UBR2: variants seen among roughly 807,000 people sequenced by gnomAD.
UBR2 encodes the protein E3 ubiquitin-protein ligase UBR2.
In UBR2, 92 loss-of-function variants were observed where a neutral mutation model predicts 247.9. The ratio of observed to expected loss-of-function variants is 0.37; its 90% CI spans 0.31 to 0.44. UBR2 has a LOEUF of 0.44. Among genes scored for constraint, UBR2 ranks in the 20% least tolerant of loss-of-function variants. The pLI is 1.00. For missense variants in UBR2, 1,613 were observed against 2,112.6 expected (o/e 0.76, Z 4.64); for synonymous variants, 672 against 693.5 (o/e 0.97, Z 0.49).
rs1370861586 is a variant in UBR2 at position 42,673,886 on chromosome 6, A to C, written c.4182A>C (p.Ala1394=). ...VVQGHFCKLF[A]SLVPNDSHEE... is the part of the protein sequence containing the mutation. ...AAGGACATTTTTGTAAACTTTTTGCATGTGAGTATTAATACATTTATAACA... is the reference window on the plus strand; with the variant it reads ...AAGGACATTTTTGTAAACTTTTTGCCTGTGAGTATTAATACATTTATAACA... Residue 1394 remains alanine, a splice_region_variant and synonymous_variant, in exon 37 of 47, where the codon GCA becomes GCC. Coordinates refer to ENST00000372901, the MANE Select transcript of UBR2 (RefSeq NM_001363705.2). The C allele has an allele frequency of 9.3e-6, 15 of 1,610,256 alleles. No individual in the cohort carries two copies. Among genetic ancestry groups the C allele is most frequent in the Non-Finnish European group, 1.2e-5 (14 of 1,176,986 alleles).
At chr6:42,625,042 G>C (rs893520601) in intron 11 of UBR2, among the ~76,000 whole-genome samples, 23 of 152,132 alleles carry the variant, frequency 1.5e-4, no homozygotes, top group African/African-American at 5.3e-4. Flanking sequence ...CTACACCCCA[G>C]AATGACCAAG....
chr6:42,676,024 G>GA, intron 38 of UBR2, 32 bp from the exon 39 acceptor site: 1 of 1,557,396 alleles, frequency 6.4e-7, no homozygotes, highest in Non-Finnish European at 8.6e-7. Context: ...AAGGAAAGGC[G>GA]ATCTGTCTGA....
intron 34 of UBR2, 91 bp downstream of exon 34, chr6:42,666,336 G>T: frequency 9.0e-7 from 1 of 1,113,164 alleles, no homozygotes. Context: ...TGGCAAGTGA[G>T]GGAGCAAAAT....
At chr6:42,647,193 A>G (rs936574013) in intron 21 of UBR2, among the ~76,000 whole-genome samples, 3 of 152,192 alleles carry the variant, frequency 2.0e-5, no homozygotes, top group Non-Finnish European at 4.4e-5. Flanking sequence ...GCTTTAATGC[A>G]GGAAGTGAAT....
chr6:42,651,559 C>T (rs1797113756), intron 23 of UBR2, among the ~76,000 whole-genome samples: 1 of 151,774 alleles, frequency 6.6e-6, no homozygotes, highest in African/African-American at 2.4e-5. Flanking sequence ...GTGCAGACCT[C>T]GGCTCACTAG....
intron 5 of UBR2, among the ~76,000 whole-genome samples, chr6:42,604,756 G>A (rs2025250): frequency 0.75 from 114,548 of 152,060 alleles, 43,566 homozygotes; most frequent in African/African-American, 0.85. Flanking sequence ...GCTTGGCACA[G>A]TGGCTCATGC....
At chr6:42,658,002 G>A in intron 26 of UBR2, 22 bp from the exon 27 acceptor site, 1 of 1,560,628 alleles carries the variant, frequency 6.4e-7, no homozygotes, top group Non-Finnish European at 8.8e-7. Context: ...TTGTTATTGT[G>A]CCTTTTATTT....
intron 4 of UBR2, among the ~76,000 whole-genome samples, chr6:42,600,688 G>A (rs912294644): frequency 6.7e-6 from 1 of 148,486 alleles, no homozygotes; most frequent in African/African-American, 2.5e-5. Flanking sequence ...ACACATTTTA[G>A]AGTGTATTTT....
Position 42,684,833 on chromosome 6 carries a change from G to T in UBR2, c.4815G>T (p.Glu1605Asp). 1 of 1,611,814 alleles carries T rather than the reference G, an allele frequency of 6.2e-7. No homozygotes were observed. The highest frequency in any genetic ancestry group is 8.5e-7 in the Non-Finnish European group (1 of 1,178,930). ...RESNKLINLP[E>D]DYSSLINQAS... ...CTAACAAATTAATAAACCTTCCAGAGGATTACAGCAGCCTCATTAATCAAG... is the reference window on the plus strand; with the variant it reads ...CTAACAAATTAATAAACCTTCCAGATGATTACAGCAGCCTCATTAATCAAG... The change falls in exon 44 of 47, where the codon GAG becomes GAT. Residue 1605 changes from glutamate (E) to aspartate (D), a missense_variant. Transcript: ENST00000372901.
rs71680032 is a variant in UBR2, at chr6:42,600,625, CAA to C, written c.532-2942_532-2941del. ...CCTGCCTCAAACTGGGTTACTGTAG[CAA>C]AAAAAAAAAAAAAAAAAAAATTATC... On this transcript the variant is annotated intron_variant, in intron 4 of 46. Transcript: ENST00000372901. Among the ~76,000 whole-genome samples, 549 of 106,110 alleles carry C rather than the reference CAA, an allele frequency of 5.2e-3. 1 individual carries two copies. The highest frequency in any genetic ancestry group is 0.013 in the African/African-American group (350 of 27,026). 69.6% of individuals were successfully genotyped at this position (106,110 alleles called of 152,430 possible).
chr6:42,651,018 T>C (rs1797078124), intron 23 of UBR2, among the ~76,000 whole-genome samples: 1 of 152,036 alleles, frequency 6.6e-6, no homozygotes, highest in Non-Finnish European at 1.5e-5. Flanking sequence ...GCTCAGGAGT[T>C]CGAGATCAGC....
rs538441041 is a variant in UBR2 at position 42,664,862 on chromosome 6, A to G, written c.3699-547A>G. ...TCATAAAAAGAACACAGGCTTTGGA[A>G]TCTGACAGAGCCAAGTTTGAATGCT... On this transcript the variant is annotated intron_variant, in intron 32 of 46. Coordinates refer to ENST00000372901, the MANE Select transcript of UBR2 (RefSeq NM_001363705.2). Among the ~76,000 whole-genome samples the G allele has an allele frequency of 2.6e-5, 4 of 152,334 alleles. No homozygotes were observed. The East Asian group carries it at 7.7e-4, about 29-fold the overall frequency.
chr6:42,597,761 A>T (rs972528931), intron 4 of UBR2, among the ~76,000 whole-genome samples: 7 of 152,082 alleles, frequency 4.6e-5, no homozygotes, highest in Admixed American at 3.3e-4. Flanking sequence ...TACTAAAAAT[A>T]CAAAATTAGC....
intron 11 of UBR2, among the ~76,000 whole-genome samples, chr6:42,629,080 G>A (rs1795533120): frequency 6.6e-6 from 1 of 152,018 alleles, no homozygotes; most frequent in South Asian, 2.1e-4. Flanking sequence ...GCAGTGGCAT[G>A]ATCTGGGCTC....
Position 42,624,161 on chromosome 6 carries a change from G to C in UBR2, c.1281+6654G>C, listed in dbSNP as rs569694310. On this transcript the variant is annotated intron_variant, in intron 11 of 46. Coordinates refer to ENST00000372901, the MANE Select transcript of UBR2 (RefSeq NM_001363705.2). ...TTGTTTTGTTTTGTTTGTTTTTTGAGACCAATTCTCACTCTAGCACCCAGG... is the reference window on the plus strand; with the variant it reads ...TTGTTTTGTTTTGTTTGTTTTTTGACACCAATTCTCACTCTAGCACCCAGG... Among the ~76,000 whole-genome samples the C allele has an allele frequency of 1.6e-4, 25 of 151,874 alleles. No homozygotes were observed. In the South Asian group the frequency reaches 5.0e-3, roughly 30 times the overall value.
At chr6:42,645,690 T>A (rs1467685022) in intron 21 of UBR2, 100 bp downstream of exon 21, 2 of 1,251,908 alleles carry the variant, frequency 1.6e-6, no homozygotes, top group Non-Finnish European at 2.3e-6. Context: ...CTCACAATTG[T>A]AAAATCTATT....
intron 4 of UBR2, among the ~76,000 whole-genome samples, chr6:42,602,569 G>T (rs1323572534): frequency 1.3e-5 from 2 of 151,038 alleles, no homozygotes; most frequent in Admixed American, 6.6e-5. Flanking sequence ...CTTTGGTGTG[G>T]GTATGCAAAA....
chr6:42,628,722 CAAAAAAAAA>C (rs34316224), intron 11 of UBR2, among the ~76,000 whole-genome samples: 4 of 102,884 alleles, frequency 3.9e-5, no homozygotes, highest in African/African-American at 7.4e-5. Context: ...GGCTCTGACT[CAAAAAAAAA>C]AAAAAAAAAA....
At chr6:42,644,091 C>T in intron 18 of UBR2, 123 bp from the exon 19 acceptor site, 2 of 960,292 alleles carry the variant, frequency 2.1e-6, no homozygotes, top group East Asian at 5.1e-5. Flanking sequence ...ATTGGTGAAC[C>T]TTTTAGGATT....
Sources: allele counts gnomAD v4.1 joint callset (sites outside exome capture counted in the v4.1 genomes callset), GRCh38; gene constraint gnomAD v4.1.1; transcripts MANE v1.5; gene names NCBI Gene and HGNC (gene_info 2026-07-23, HGNC 2026-07-21).